Variants in PDE4D observed in about 807,000 individuals in gnomAD.
The protein encoded by PDE4D is 3',5'-cyclic-AMP phosphodiesterase 4D.
PDE4D carries 24 observed loss-of-function variants against 87.4 expected under a neutral mutation model. The ratio of observed to expected loss-of-function variants is 0.27; its 90% CI spans 0.20 to 0.39. The LOEUF (loss-of-function observed/expected upper bound fraction) is 0.39. Among genes scored for constraint, PDE4D ranks in the 10% least tolerant of loss-of-function variants. The pLI is 1.00. For missense variants in PDE4D, 714 were observed against 1,041.0 expected, an observed-to-expected ratio of 0.69 and a Z score of 4.32; for synonymous variants, 384 against 383.2, an observed-to-expected ratio of 1.00 and a Z score of -0.02.
chr5:59,122,391 T>G (rs753177966), intron 5 of PDE4D, among the ~76,000 whole-genome samples: 4 of 152,028 alleles, frequency 2.6e-5, no homozygotes, highest in Non-Finnish European at 4.4e-5. Flanking sequence ...TACCAGAGCC[T>G]GGGAGGAGTG....
At position 58,975,706 on chromosome 5, in the gene PDE4D, T is replaced by C; in HGVS notation, c.1964A>G (p.Glu655Gly). The stretch of plus-strand genomic sequence containing the variant: ...GTGCTTGTCACACATGGGGCTTATC[T>C]CCATGCCACGTTCCCTCTCTCGGTC... ...QGDRERERGM[E>G]ISPMCDKHNA... is the part of the protein sequence containing the mutation. The change falls in exon 14 of 15, where the codon GAG becomes GGG. Residue 655 changes from glutamate (E) to glycine (G), a missense_variant. By Grantham distance (98) the Glu-to-Gly change is moderately conservative. This residue lies in a region of PDE4D where 97 missense variants were observed against 176.9 expected (regional missense o/e 0.55). Transcript: ENST00000340635. The surrounding 1 kb of genome is among the most constrained non-coding windows in gnomAD (Gnocchi z 4.2). The C allele has an allele frequency of 1.9e-6, 3 of 1,613,080 alleles. No homozygotes were observed. The highest frequency in any genetic ancestry group is 2.5e-6 in the Non-Finnish European group (3 of 1,179,394).
Position 59,215,804 on chromosome 5 carries a change from G to A in PDE4D, c.620C>T (p.Ser207Phe). ...SDYDLSPKSM[S>F]RNSSIASDIH... ...ATCACTGGCAATGGAGGAGTTCCGG[G>A]ACATAGACTTTGGAGAGAGGTCATA... The change falls in exon 2 of 15, where the codon TCC becomes TTC. Residue 207 changes from serine (S) to phenylalanine (F), a missense_variant. Ser to Phe is a radical substitution (Grantham distance 155). Transcript: ENST00000340635. 5 of 1,613,642 alleles carry A rather than the reference G, an allele frequency of 3.1e-6. No individual in the cohort carries two copies. Among genetic ancestry groups the A allele is most frequent in the African/African-American group, 1.3e-5 (1 of 74,980 alleles).
At chr5:60,069,056 C>T (rs1237463991) in intron 2 of PDE4D, among the ~76,000 whole-genome samples, 1 of 152,082 alleles carries the variant, frequency 6.6e-6, no homozygotes, top group Admixed American at 6.6e-5. Flanking sequence ...AGTTTCATTC[C>T]TTAATATGGA....
At chr5:59,156,331 ATGTGTGTGTG>A (rs60467130) in intron 5 of PDE4D, among the ~76,000 whole-genome samples, 25 of 122,746 alleles carry the variant, frequency 2.0e-4, no homozygotes, top group South Asian at 5.1e-4. Flanking sequence ...ATATATATAT[ATGTGTGTGTG>A]TGTGTGTGTG....
At chr5:60,460,079 C>T (rs1170121018) in intron 1 of PDE4D, 3 of 1,603,202 alleles carry the variant, frequency 1.9e-6, no homozygotes, top group Non-Finnish European at 2.6e-6. Context: ...TCATCAGCAC[C>T]TGCATCAGAA....
At chr5:59,140,748 G>C (rs566073248) in intron 5 of PDE4D, among the ~76,000 whole-genome samples, 237 of 152,270 alleles carry the variant, frequency 1.6e-3, no homozygotes, top group Non-Finnish European at 2.8e-3. Flanking sequence ...TCAATATTTT[G>C]AGATGGCAAG....
intron 1 of PDE4D, among the ~76,000 whole-genome samples, chr5:59,431,491 G>C (rs1796107973): frequency 6.6e-6 from 1 of 152,018 alleles, no homozygotes; most frequent in Non-Finnish European, 1.5e-5. Context: ...CCTGGGACCT[G>C]GGTAAACATA....
intron 1 of PDE4D, among the ~76,000 whole-genome samples, chr5:59,700,511 CA>C (rs1345334713): frequency 6.6e-6 from 1 of 152,076 alleles, no homozygotes; most frequent in Non-Finnish European, 1.5e-5. Flanking sequence ...AGAAAAAAAT[CA>C]CGTAGATTTC....
intron 1 of PDE4D, among the ~76,000 whole-genome samples, chr5:59,226,855 CT>C (rs143154289): frequency 3.3e-5 from 5 of 151,206 alleles, no homozygotes; most frequent in Non-Finnish European, 4.4e-5. Flanking sequence ...CGGAAAGTGT[CT>C]TTTTTTTTGG....
chr5:60,358,336 CT>C (rs1195330118), intron 1 of PDE4D, among the ~76,000 whole-genome samples: 1 of 152,120 alleles, frequency 6.6e-6, no homozygotes, highest in Admixed American at 6.5e-5. Context: ...GCTGGTTTTT[CT>C]TCATCCTTTT....
chr5:60,421,794 T>G (rs2150089204), intron 1 of PDE4D, among the ~76,000 whole-genome samples: 1 of 152,162 alleles, frequency 6.6e-6, no homozygotes, highest in African/African-American at 2.4e-5. Context: ...TGAAAATCTT[T>G]AAAAAATGTT....
At chr5:59,126,118 A>G (rs72762617) in intron 5 of PDE4D, among the ~76,000 whole-genome samples, 33,279 of 148,716 alleles carry the variant, frequency 0.22, 4,657 homozygotes, top group Middle Eastern at 0.32. Flanking sequence ...AGAGAGAGAG[A>G]GAGAGAGAGA....
At chr5:60,402,659 C>G (rs774797319) in intron 1 of PDE4D, among the ~76,000 whole-genome samples, 55 of 152,172 alleles carry the variant, frequency 3.6e-4, no homozygotes, top group Non-Finnish European at 6.8e-4. Context: ...ATAAGGGCAC[C>G]CAGTTTTGAA....
intron 2 of PDE4D, among the ~76,000 whole-genome samples, chr5:59,989,345 T>C (rs1762787090): frequency 6.6e-6 from 1 of 151,902 alleles, no homozygotes; most frequent in African/African-American, 2.4e-5. Flanking sequence ...TATAATCTTA[T>C]GGCCACCATG....
chr5:60,310,065 G>T (rs752750870), intron 1 of PDE4D, among the ~76,000 whole-genome samples: 2 of 152,162 alleles, frequency 1.3e-5, no homozygotes, highest in Non-Finnish European at 2.9e-5. Context: ...TCCTCTTGGA[G>T]AAGTAGGAAA....
chr5:59,860,961 C>T (rs749795801), intron 1 of PDE4D, among the ~76,000 whole-genome samples: 5 of 151,844 alleles, frequency 3.3e-5, no homozygotes, highest in Admixed American at 6.6e-5. Context: ...CGGGTTCAAG[C>T]GATTCTCCTG....
At chr5:59,218,241 A>C (rs575186251) in intron 1 of PDE4D, among the ~76,000 whole-genome samples, 13 of 152,200 alleles carry the variant, frequency 8.5e-5, no homozygotes, top group Non-Finnish European at 1.9e-4. Context: ...CACTTTAAAA[A>C]AGAAAATACC....
intron 3 of PDE4D, among the ~76,000 whole-genome samples, chr5:59,947,874 G>T (rs777664858): frequency 6.6e-5 from 10 of 152,096 alleles, no homozygotes; most frequent in Non-Finnish European, 1.2e-4. Flanking sequence ...GAGCATGGTG[G>T]TGCACGCCTA....
At chr5:60,130,915 T>C (rs1285785015) in intron 2 of PDE4D, among the ~76,000 whole-genome samples, 3 of 152,222 alleles carry the variant, frequency 2.0e-5, no homozygotes, top group African/African-American at 4.8e-5. Flanking sequence ...GGAGCAATTC[T>C]AAAGTTGAAA....
Sources: allele counts gnomAD v4.1 joint callset (sites outside exome capture counted in the v4.1 genomes callset), GRCh38; gene constraint gnomAD v4.1.1; regional missense constraint gnomAD v4.1.1; non-coding constraint Gnocchi (gnomAD v3.1); transcripts MANE v1.5; gene names NCBI Gene and HGNC (gene_info 2026-07-23, HGNC 2026-07-21).